The following SETD5 variants were observed in gnomAD, a reference collection of about 807,000 sequenced individuals.
SETD5 encodes the protein histone-lysine N-methyltransferase SETD5.
In SETD5, 44 loss-of-function variants were observed where a neutral mutation model predicts 153.3. That is an observed-to-expected ratio of 0.29 (90% CI 0.23 to 0.37). The LOEUF (loss-of-function observed/expected upper bound fraction) is 0.37, where lower values mean the gene tolerates loss of function less well. Among genes scored for constraint, SETD5 ranks in the 10% least tolerant of loss-of-function variants. SETD5 has a pLI of 1.00. For synonymous variants in SETD5, 716 were observed against 645.2 expected, an observed-to-expected ratio of 1.11 and a Z score of -1.66; for missense variants, 1,544 against 1,768.0, an observed-to-expected ratio of 0.87 and a Z score of 2.27.
At chr3:9,430,382 TG>T in intron 3 of SETD5, 3 of 957,040 alleles carry the variant, frequency 3.1e-6, no homozygotes, top group Non-Finnish European at 3.7e-6. Flanking sequence ...AAAGGAGGGT[TG>T]GGGGTGGGGA....
chr3:9,401,286 G>C (rs1396855503), intron 1 of SETD5, among the ~76,000 whole-genome samples: 1 of 152,124 alleles, frequency 6.6e-6, no homozygotes, highest in Non-Finnish European at 1.5e-5. Flanking sequence ...ACATACTTAG[G>C]GTTTAAGATA....
intron 17 of SETD5, among the ~76,000 whole-genome samples, chr3:9,455,653 A>G (rs1466922786): frequency 7.2e-6 from 1 of 139,122 alleles, no homozygotes; most frequent in Non-Finnish European, 1.5e-5. Flanking sequence ...CTTTTTTAAC[A>G]GCTTTTAAGG....
At chr3:9,473,100 G>T (rs572217448) in intron 19 of SETD5, 136 bp from the exon 20 acceptor site, 5 of 1,017,174 alleles carry the variant, frequency 4.9e-6, no homozygotes, top group Non-Finnish European at 7.0e-6. Context: ...TATCAGGGTT[G>T]GTGTCTGCTT....
At chr3:9,474,371 T>C (rs1278633487) in intron 20 of SETD5, 78 bp from the exon 21 acceptor site, 3 of 1,489,370 alleles carry the variant, frequency 2.0e-6, no homozygotes, top group African/African-American at 1.4e-5. Flanking sequence ...TTTAAGAAAA[T>C]ACACTGTGCA....
At chr3:9,469,939 C>T (rs2045106281) in intron 18 of SETD5, among the ~76,000 whole-genome samples, 1 of 152,210 alleles carries the variant, frequency 6.6e-6, no homozygotes, top group Admixed American at 6.5e-5. Flanking sequence ...TCCTCCTTTA[C>T]TGAACCAGTA....
Position 9,452,423 on chromosome 3 carries a change from T to TGAA in SETD5, c.2347-1316_2347-1315insGAA, listed in dbSNP as rs1159651261. Among the ~76,000 whole-genome samples, 8 of 152,358 alleles carry TGAA rather than the reference T, an allele frequency of 5.3e-5. No homozygotes were observed. In the East Asian group the frequency reaches 1.5e-3, roughly 29 times the overall value. ...AAGGCTATATGTATGGTTCTGACAA[T>TGAA]TCATCTTTACATCATTATTCTGTAT... On this transcript the variant is annotated intron_variant, in intron 16 of 22. Coordinates refer to ENST00000402198, the MANE Select transcript of SETD5 (RefSeq NM_001080517.3).
In SETD5 at chr3:9,473,271, A is replaced by G; in HGVS notation, c.3231A>G (p.Glu1077=). 1.2e-6 allele frequency: 2 copies of G among 1,613,782 alleles called. No homozygotes were observed. Residue 1077 remains glutamate (E), a synonymous_variant, in exon 20 of 23, where the codon GAA becomes GAG. Transcript: ENST00000402198. ...TGGAGTACCGAAAACGGAAACAAGA[A>G]GCTAAGGAAAATTCTGCTGGTGGGG... ...SLLEYRKRKQ[E]AKENSAGGGG...
chr3:9,410,550 A>C (rs573371995), intron 1 of SETD5, among the ~76,000 whole-genome samples: 2 of 152,296 alleles, frequency 1.3e-5, no homozygotes, highest in African/African-American at 4.8e-5. Flanking sequence ...TAATAAGTGA[A>C]ATTTACGAAG....
In SETD5 at chr3:9,447,206, G is replaced by A. The variant is rs1341733698; in HGVS notation, c.1681G>A (p.Glu561Lys). 1 of 1,614,020 alleles carries A rather than the reference G, an allele frequency of 6.2e-7. No individual in the cohort carries two copies. The highest frequency in any genetic ancestry group is 8.5e-7 in the Non-Finnish European group (1 of 1,179,876). The change falls in exon 14 of 23, where the codon GAA (glutamate) becomes AAA (lysine). Residue 561 changes from glutamate (E) to lysine (K), a missense_variant. Glu to Lys is a moderately conservative substitution (Grantham distance 56). Coordinates refer to ENST00000402198, the MANE Select transcript of SETD5 (RefSeq NM_001080517.3). ...ETPVGEETKT[E>K]APESEVSNSV... ...TCCTGTTGGTGAAGAGACAAAAACT[G>A]AAGCCCCTGAATCTGAAGTTAGCAA...
At chr3:9,417,550 A>G (rs2037663731) in intron 1 of SETD5, among the ~76,000 whole-genome samples, 1 of 145,950 alleles carries the variant, frequency 6.9e-6, no homozygotes, top group African/African-American at 2.6e-5. Flanking sequence ...CAGTGGCGTG[A>G]TCTCCACTCA....
At chr3:9,404,454 C>A (rs145368511) in intron 1 of SETD5, among the ~76,000 whole-genome samples, 44 of 152,278 alleles carry the variant, frequency 2.9e-4, no homozygotes, top group African/African-American at 1.0e-3. Context: ...AGTTTCTCAT[C>A]AGTAAAATAG....
chr3:9,464,744 A>T, intron 18 of SETD5, 72 bp downstream of exon 18: 1 of 1,602,674 alleles, frequency 6.2e-7, no homozygotes, highest in East Asian at 2.2e-5. Flanking sequence ...TTCAAATATA[A>T]TACCATTCCA....
chr3:9,476,128 C>A lies in SETD5; in HGVS notation c.*37C>A, dbSNP rs775260332. On this transcript the variant is annotated 3_prime_UTR_variant, in exon 23 of 23. Coordinates refer to ENST00000402198, the MANE Select transcript of SETD5 (RefSeq NM_001080517.3). ...TTGGGCAAACAGAACTGAATGAGCC[C>A]ATAGCTGCTTCCTTCCAGCTGCCTC... 9.5e-6 allele frequency: 15 copies of A among 1,585,946 alleles called. No individual in the cohort carries two copies. In the Admixed American group the frequency reaches 2.3e-4, roughly 24 times the overall value.
In SETD5 at chr3:9,445,265, G is replaced by C; in HGVS notation, c.1405G>C (p.Val469Leu). Reference protein sequence around the residue: ...EENNDQQSQEVPEKVTVSSDH... With the variant: ...EENNDQQSQELPEKVTVSSDH... ...GAATAATGACCAGCAATCACAAGAA[G>C]TTCCAGAAAAAGTAACTGTATCCAG... The change falls in exon 12 of 23, where the codon GTT becomes CTT. Residue 469 changes from valine (V) to leucine (L), a missense_variant. Around this residue, in one of 9 missense-constraint regions of SETD5, gnomAD observed 782 missense variants for 787.2 expected, o/e 0.99. Transcript: ENST00000402198. The C allele has an allele frequency of 6.2e-7, 1 of 1,608,978 alleles. No homozygotes were observed. The highest frequency in any genetic ancestry group is 8.5e-7 in the Non-Finnish European group (1 of 1,177,294).
intron 1 of SETD5, among the ~76,000 whole-genome samples, chr3:9,400,885 CGT>C (rs2034660687): frequency 6.6e-6 from 1 of 152,136 alleles, no homozygotes; most frequent in Admixed American, 6.5e-5. Flanking sequence ...ACAGTCTGAG[CGT>C]GGAAAAACTT....
At chr3:9,459,754 C>T (rs185821128) in intron 17 of SETD5, among the ~76,000 whole-genome samples, 10 of 147,148 alleles carry the variant, frequency 6.8e-5, no homozygotes, top group African/African-American at 2.0e-4. Context: ...GAAGAATATA[C>T]GATGACTAAG....
At chr3:9,474,316 G>C (rs113309668) in intron 20 of SETD5, 133 bp from the exon 21 acceptor site, 2 of 956,608 alleles carry the variant, frequency 2.1e-6, no homozygotes, top group Non-Finnish European at 3.0e-6. Context: ...GAGGAAATAC[G>C]TTGTTTTAAA....
In SETD5 at chr3:9,453,519, T is replaced by A. The variant is rs568477234; in HGVS notation, c.2347-220T>A. On this transcript the variant is annotated intron_variant, in intron 16 of 22. Coordinates refer to ENST00000402198, the MANE Select transcript of SETD5 (RefSeq NM_001080517.3). ...TATTGGTTTTTGTCTTTTGATGGGA[T>A]CTCATTATATGTAATCCAGATTTCC... Among the ~76,000 whole-genome samples, 16 of 152,308 alleles carry A rather than the reference T, an allele frequency of 1.1e-4. No individual in the cohort carries two copies. In the South Asian group the frequency reaches 3.3e-3, roughly 32 times the overall value.
chr3:9,457,226 C>T (rs184692119), intron 17 of SETD5, among the ~76,000 whole-genome samples: 28 of 152,228 alleles, frequency 1.8e-4, no homozygotes, highest in African/African-American at 3.6e-4. Context: ...TGGTGGCTCA[C>T]GCCTGTAATC....
Sources: gnomAD v4.1 joint callset for allele counts (sites outside exome capture counted in the v4.1 genomes callset) on GRCh38, gnomAD v4.1.1 for gene constraint, gnomAD v4.1.1 regional missense constraint, MANE v1.5 for transcripts, NCBI Gene and HGNC (gene_info 2026-07-23, HGNC 2026-07-21) for gene names.